Variants in SYNE2 observed in about 807,000 individuals in gnomAD.
SYNE2 encodes nesprin-2.
SYNE2 carries 431 observed loss-of-function variants against 856.3 expected under a neutral mutation model. The ratio of observed to expected loss-of-function variants is 0.50; its 90% CI spans 0.47 to 0.55. The LOEUF is 0.55. SYNE2 is among the 20% of genes least tolerant of loss of function. The pLI, the probability that SYNE2 is intolerant of heterozygous loss-of-function variation, is 0.00. For missense variants in SYNE2, 8,129 were observed against 8,023.2 expected (o/e 1.01, Z -0.50); for synonymous variants, 2,923 against 2,872.3 (o/e 1.02, Z -0.56).
At chr14:64,079,531 ATGTTCTT>A (rs1225688506) in intron 55 of SYNE2, among the ~76,000 whole-genome samples, 2 of 152,162 alleles carry the variant, frequency 1.3e-5, no homozygotes, top group African/African-American at 2.4e-5. Flanking sequence ...AGGGAAAAAA[ATGTTCTT>A]AAGCAAACAT....
chr14:63,987,145 C>T (rs909513355), intron 19 of SYNE2, among the ~76,000 whole-genome samples: 5 of 152,092 alleles, frequency 3.3e-5, no homozygotes, highest in East Asian at 1.9e-4. Context: ...GTCCCAGCTC[C>T]TCGGGAGGCT....
intron 84 of SYNE2, among the ~76,000 whole-genome samples, chr14:64,149,901 A>G (rs1270476902): frequency 6.6e-6 from 1 of 151,870 alleles, no homozygotes; most frequent in Non-Finnish European, 1.5e-5. Flanking sequence ...AGATGACAGG[A>G]CTACTGGGCT....
intron 113 of SYNE2, among the ~76,000 whole-genome samples, chr14:64,223,733 G>T (rs756494240): frequency 6.6e-6 from 1 of 152,186 alleles, no homozygotes; most frequent in Non-Finnish European, 1.5e-5. Flanking sequence ...ACAGGCATGA[G>T]CCACCATAGC....
In SYNE2 at chr14:63,986,484, A is replaced by C. The variant is rs150443013; in HGVS notation, c.2180A>C (p.Glu727Ala). 1.2e-6 allele frequency: 2 copies of C among 1,614,164 alleles called. No individual in the cohort carries two copies. The highest frequency in any genetic ancestry group is 1.3e-5 in the African/African-American group (1 of 75,062). Reference sequence around the variant, plus strand: ...GGAGAGAAACATGAAAAAGAAAATGAAGAATTCACAGGGCAACTAAAAGTG... The same window carrying C: ...GGAGAGAAACATGAAAAAGAAAATGCAGAATTCACAGGGCAACTAAAAGTG... ...KAGEKHEKEN[E>A]EFTGQLKVAK... The change falls in exon 19 of 116, where the codon GAA (glutamate) becomes GCA (alanine). Residue 727 changes from glutamate (E) to alanine (A), a missense_variant. Glu to Ala is a moderately radical substitution (Grantham distance 107, BLOSUM62 -1). Coordinates refer to ENST00000555002, the MANE Select transcript of SYNE2 (RefSeq NM_182914.3).
chr14:64,209,717 G>C (rs2098629984), intron 102 of SYNE2, 139 bp downstream of exon 102: 1 of 1,313,840 alleles, frequency 7.6e-7, no homozygotes, highest in African/African-American at 1.5e-5. Context: ...CCTGCCCCCA[G>C]CTGCTGAGAC....
At position 64,218,522 on chromosome 14, in the gene SYNE2, G is replaced by A. The variant is rs370224866; in HGVS notation, c.19657+10G>A. The A allele has an allele frequency of 1.1e-5, 17 of 1,612,260 alleles. No individual in the cohort carries two copies. Among genetic ancestry groups the A allele is most frequent in the South Asian group, 2.2e-5 (2 of 90,990 alleles). On this transcript the variant is annotated intron_variant, in intron 109 of 115. Coordinates refer to ENST00000555002, the MANE Select transcript of SYNE2 (RefSeq NM_182914.3). ...ACAGAGCAGCAGTCAGGTACTGCCTGTAACTGGCAGTCGTCCAGAGAGGCA... is the reference window on the plus strand; with the variant it reads ...ACAGAGCAGCAGTCAGGTACTGCCTATAACTGGCAGTCGTCCAGAGAGGCA...
In SYNE2 at chr14:64,049,429, A is replaced by AAATAATAAT. The variant is rs71444641; in HGVS notation, c.7378-160_7378-152dup. On this transcript the variant is annotated intron_variant, in intron 46 of 115. Coordinates refer to ENST00000555002, the MANE Select transcript of SYNE2 (RefSeq NM_182914.3). ...ACCCTGCACTCCAGCCTGGGTGACA[A>AAATAATAAT]AATAATAATAATAATAATAATAATA... is the stretch of plus-strand genomic sequence containing the variant. The AAATAATAAT allele has an allele frequency of 0.1, 17,503 of 169,280 alleles. 988 individuals are homozygous for AAATAATAAT. Among genetic ancestry groups the AAATAATAAT allele is most frequent in the East Asian group, 0.15 (1,003 of 6,626 alleles). The allele number at this position is 169,280 out of a possible 1,614,324, so 10.5% of individuals were successfully genotyped here.
chr14:63,865,746 G>T (rs1032908742), intron 1 of SYNE2, among the ~76,000 whole-genome samples: 8 of 70,734 alleles, frequency 1.1e-4, no homozygotes, highest in Non-Finnish European at 2.2e-4. Context: ...AAAGAAAAAA[G>T]AAATTTATCT....
intron 7 of SYNE2, among the ~76,000 whole-genome samples, chr14:63,953,596 A>C (rs2096199957): frequency 6.6e-6 from 1 of 152,160 alleles, no homozygotes; most frequent in African/African-American, 2.4e-5. Context: ...GATAAAATAT[A>C]CATAACTTAA....
chr14:63,835,329 G>C (rs1038534845), intron 1 of SYNE2, among the ~76,000 whole-genome samples: 2 of 152,140 alleles, frequency 1.3e-5, no homozygotes, highest in Admixed American at 6.6e-5. Flanking sequence ...TGCCTCTGGG[G>C]TTCAAGAAAT....
chr14:63,789,217 G>T (rs1236963399), intron 1 of SYNE2, among the ~76,000 whole-genome samples: 1 of 152,140 alleles, frequency 6.6e-6, no homozygotes. Flanking sequence ...TGGTGCCTAT[G>T]ATCTGCTCCA....
In SYNE2 at chr14:64,016,531, A is replaced by C. The variant is rs2096893453; in HGVS notation, c.4787A>C (p.Gln1596Pro). Residue 1596 changes from glutamine to proline, a missense_variant, in exon 33 of 116, where the codon CAG (glutamine) becomes CCG (proline). Physicochemically the swap from Gln to Pro is moderately conservative, Grantham distance 76 (BLOSUM62 -1). Coordinates refer to ENST00000555002, the MANE Select transcript of SYNE2 (RefSeq NM_182914.3). ...TTAGAAGTTGTAGACAAGATAAACC[A>C]GGTCTGCAAAAATCTACAATTTTAT... ...EHLEVVDKIN[Q>P]VCKNLQFYLN... 1 of 1,603,768 alleles carries C rather than the reference A, an allele frequency of 6.2e-7. No homozygotes were observed. The highest frequency in any genetic ancestry group is 8.5e-7 in the Non-Finnish European group (1 of 1,174,196).
At chr14:64,005,914 C>G (rs571460313) in intron 30 of SYNE2, among the ~76,000 whole-genome samples, 1 of 152,242 alleles carries the variant, frequency 6.6e-6, no homozygotes, top group South Asian at 2.1e-4. Context: ...TGAGGGGGAA[C>G]TAGCCGAAGA....
chr14:64,025,215 A>G lies in SYNE2; in HGVS notation c.6046A>G (p.Thr2016Ala). The G allele has an allele frequency of 6.2e-7, 1 of 1,614,128 alleles. No individual in the cohort carries two copies. Among genetic ancestry groups the G allele is most frequent in the Non-Finnish European group, 8.5e-7 (1 of 1,179,992 alleles). Residue 2016 changes from threonine to alanine, a missense_variant, in exon 41 of 116, where the codon ACA becomes GCA. Thr to Ala is a moderately conservative substitution (Grantham distance 58). This residue lies in a region of SYNE2 where 2,422 missense variants were observed against 2,357.4 expected (regional missense o/e 1.03). Transcript: ENST00000555002. ...AGAAGAAGAAATAATAATGGAAGCA[A>G]CATGTTTGATGGATAGATACCAGAC... ...TEEEEIIMEA[T>A]CLMDRYQTLL...
At chr14:63,962,714 G>A (rs1264987392) in intron 9 of SYNE2, among the ~76,000 whole-genome samples, 2 of 151,954 alleles carry the variant, frequency 1.3e-5, no homozygotes, top group Non-Finnish European at 2.9e-5. Context: ...CTAATTTTTT[G>A]TATTTTTAGT....
intron 55 of SYNE2, among the ~76,000 whole-genome samples, chr14:64,079,458 A>G (rs117516203): frequency 2.0e-5 from 3 of 152,338 alleles, no homozygotes; most frequent in Non-Finnish European, 4.4e-5. Context: ...ATGGCTCACT[A>G]TTGGACAAAT....
At chr14:63,930,278 CCT>C (rs1350123341) in intron 2 of SYNE2, among the ~76,000 whole-genome samples, 2 of 148,374 alleles carry the variant, frequency 1.3e-5, no homozygotes, top group African/African-American at 5.0e-5. Flanking sequence ...ACGGTGAGAC[CCT>C]GTCTCAAAAA....
intron 70 of SYNE2, among the ~76,000 whole-genome samples, chr14:64,124,296 G>A (rs1027403509): frequency 1.3e-5 from 2 of 151,834 alleles, no homozygotes; most frequent in Non-Finnish European, 1.5e-5. Context: ...GGGCTCAAAC[G>A]ATCTCCTGCC....
At chr14:64,040,087 C>A (rs964020482) in intron 45 of SYNE2, among the ~76,000 whole-genome samples, 2 of 152,156 alleles carry the variant, frequency 1.3e-5, no homozygotes, top group African/African-American at 4.8e-5. Context: ...ACATGACAAT[C>A]AGTCTCTAAT....
Sources: allele counts gnomAD v4.1 joint callset (sites outside exome capture counted in the v4.1 genomes callset), GRCh38; gene constraint gnomAD v4.1.1; regional missense constraint gnomAD v4.1.1; transcripts MANE v1.5; gene names NCBI Gene and HGNC (gene_info 2026-07-23, HGNC 2026-07-21).